The following CRTC3 variants were observed in gnomAD, a reference collection of about 807,000 sequenced individuals.
CRTC3 encodes the protein CREB-regulated transcription coactivator 3.
CRTC3 carries 26 observed loss-of-function variants against 74.5 expected under a neutral mutation model. The ratio of observed to expected loss-of-function variants is 0.35; its 90% CI spans 0.26 to 0.48. The LOEUF (loss-of-function observed/expected upper bound fraction) is 0.48, where lower values mean the gene tolerates loss of function less well. Among genes scored for constraint, CRTC3 ranks in the 20% least tolerant of loss-of-function variants. The pLI, the probability that CRTC3 is intolerant of heterozygous loss-of-function variation, is 0.99. For missense variants in CRTC3, 760 were observed against 787.3 expected (o/e 0.97, Z 0.41); for synonymous variants, 377 against 325.8 (o/e 1.16, Z -1.69).
chr15:90,559,949 A>G (rs370337513), intron 2 of CRTC3, among the ~76,000 whole-genome samples: 2 of 152,070 alleles, frequency 1.3e-5, no homozygotes, highest in South Asian at 2.1e-4. Context: ...GGCCTTTTTC[A>G]TGTATTTACC....
rs1969538927 is a variant in CRTC3, at chr15:90,643,928, G to A, written c.*1788G>A. On this transcript the variant is annotated 3_prime_UTR_variant, in exon 15 of 15. Transcript: ENST00000268184. The stretch of plus-strand genomic sequence containing the variant: ...TGAATCTGGCACACCTGTCCCTTAT[G>A]TAAAAGGAGTCGTGGTCACAAGACC... 8.6e-6 allele frequency: 2 copies of A among 232,782 alleles called. No homozygotes were observed. The highest frequency in any genetic ancestry group is 1.7e-5 in the Non-Finnish European group (2 of 117,778). 14.4% of individuals were successfully genotyped at this position (232,782 alleles called of 1,614,324 possible).
rs71154108 is a variant in CRTC3, at chr15:90,533,422, G to GGA, written c.132+3219_132+3220insGA. ...GGCGACAGAGCGAGACTCCGCCTAG[G>GGA]AAAAAAAAAAAAAAAGGGAAGAAAG... On this transcript the variant is annotated intron_variant, in intron 1 of 14. Coordinates refer to ENST00000268184, the MANE Select transcript of CRTC3 (RefSeq NM_022769.5). Among the ~76,000 whole-genome samples, 239 of 138,762 alleles carry GGA rather than the reference G, an allele frequency of 1.7e-3. 2 individuals carry two copies. Among genetic ancestry groups the GGA allele is most frequent in the Middle Eastern group, 3.9e-3 (1 of 258 alleles). The allele number at this position is 138,762 out of a possible 152,430, so 91.0% of individuals were successfully genotyped here. A position where few individuals can be genotyped will look rare whatever the true frequency, so the allele number is the denominator to read the frequency against.
chr15:90,567,993 A>G (rs1014657044), intron 2 of CRTC3, among the ~76,000 whole-genome samples: 2 of 152,242 alleles, frequency 1.3e-5, no homozygotes, highest in African/African-American at 4.8e-5. Flanking sequence ...AAGAACATTC[A>G]TGGTTCATAG....
chr15:90,629,788 A>G (rs1968972754), intron 11 of CRTC3, among the ~76,000 whole-genome samples: 1 of 152,180 alleles, frequency 6.6e-6, no homozygotes, highest in Non-Finnish European at 1.5e-5. Context: ...CAGTGGCACA[A>G]TCGCGGCTCA....
At chr15:90,535,030 G>A (rs1446764248) in intron 1 of CRTC3, among the ~76,000 whole-genome samples, 1 of 152,026 alleles carries the variant, frequency 6.6e-6, no homozygotes, top group East Asian at 1.9e-4. Context: ...GCATGGTGGC[G>A]AGTGCCTGTA....
rs1366682295 is a variant in CRTC3 at position 90,535,180 on chromosome 15, A to G, written c.133-4859A>G. Among the ~76,000 whole-genome samples, 3 of 137,968 alleles carry G rather than the reference A, an allele frequency of 2.2e-5. No individual in the cohort carries two copies. The Admixed American group carries it at 2.2e-4, about 10-fold the overall frequency. The allele number at this position is 137,968 out of a possible 152,430, so 90.5% of individuals were successfully genotyped here. ...CCGTCTCAAAAAAAAAAAAAAAAAA[A>G]GAAAGTGAACCATGAGGAGGGCCTA... On this transcript the variant is annotated intron_variant, in intron 1 of 14. Coordinates refer to ENST00000268184, the MANE Select transcript of CRTC3 (RefSeq NM_022769.5).
At chr15:90,620,650 GC>G (rs1968620105) in intron 9 of CRTC3, among the ~76,000 whole-genome samples, 1 of 152,104 alleles carries the variant, frequency 6.6e-6, no homozygotes, top group South Asian at 2.1e-4. Flanking sequence ...TCCTGAGAGA[GC>G]CCCAAGGAGG....
In CRTC3 at chr15:90,629,326, G is replaced by C. The variant is rs112890348; in HGVS notation, c.1060G>C (p.Val354Leu). ...CTTAAATAACCACCCACAGACATCT[G>C]TTCCCAACGCATCTGCTCTTCACCC... Reference protein sequence around the residue: ...SSLNNHPQTSVPNASALHPSL... With the variant: ...SSLNNHPQTSLPNASALHPSL... Residue 354 changes from valine (V) to leucine (L), a missense_variant, in exon 11 of 15, where the codon GTT (valine) becomes CTT (leucine). Val to Leu is a conservative substitution (Grantham distance 32). Transcript: ENST00000268184. 2 of 1,614,054 alleles carry C rather than the reference G, an allele frequency of 1.2e-6. No homozygotes were observed. Among genetic ancestry groups the C allele is most frequent in the Admixed American group, 1.7e-5 (1 of 59,996 alleles).
At chr15:90,533,696 A>C (rs1366930459) in intron 1 of CRTC3, among the ~76,000 whole-genome samples, 4 of 152,216 alleles carry the variant, frequency 2.6e-5, no homozygotes, top group Admixed American at 6.5e-5. Context: ...AGCAAAACAC[A>C]GTGTCCCAGT....
intron 4 of CRTC3, among the ~76,000 whole-genome samples, chr15:90,603,131 T>C (rs1449517394): frequency 6.6e-6 from 1 of 152,016 alleles, no homozygotes; most frequent in Non-Finnish European, 1.5e-5. Flanking sequence ...ATGGCATTCT[T>C]ATGTTTGAGA....
At chr15:90,569,981 C>G (rs754085720) in intron 2 of CRTC3, among the ~76,000 whole-genome samples, 5 of 152,190 alleles carry the variant, frequency 3.3e-5, no homozygotes, top group South Asian at 2.1e-4. Flanking sequence ...AAAATATGAT[C>G]TATCAGCTCA....
chr15:90,584,397 T>C (rs1312340985), intron 2 of CRTC3, among the ~76,000 whole-genome samples: 1 of 152,036 alleles, frequency 6.6e-6, no homozygotes, highest in African/African-American at 2.4e-5. Flanking sequence ...ACCACCATGC[T>C]TGGCTAATCT....
chr15:90,625,496 A>G (rs1373608269), intron 9 of CRTC3, among the ~76,000 whole-genome samples: 1 of 152,236 alleles, frequency 6.6e-6, no homozygotes, highest in Non-Finnish European at 1.5e-5. Flanking sequence ...AGTGGTTTAT[A>G]ATTTTCAGAA....
intron 2 of CRTC3, among the ~76,000 whole-genome samples, chr15:90,542,698 G>A (rs929631136): frequency 2.0e-5 from 3 of 152,202 alleles, no homozygotes; most frequent in Admixed American, 6.5e-5. Flanking sequence ...AAAGGATTCA[G>A]TTCAGAATCA....
At chr15:90,557,207 A>G (rs1398996451) in intron 2 of CRTC3, among the ~76,000 whole-genome samples, 1 of 152,104 alleles carries the variant, frequency 6.6e-6, no homozygotes. Context: ...GCTTAGAACA[A>G]TCGCAAGTTT....
At chr15:90,571,950 T>G (rs530139841) in intron 2 of CRTC3, among the ~76,000 whole-genome samples, 21 of 152,110 alleles carry the variant, frequency 1.4e-4, no homozygotes, top group African/African-American at 4.8e-4. Flanking sequence ...TTACCTGAGG[T>G]CAGGAGTTCA....
intron 2 of CRTC3, among the ~76,000 whole-genome samples, chr15:90,568,383 C>T (rs926954221): frequency 2.0e-5 from 3 of 151,944 alleles, no homozygotes; most frequent in Non-Finnish European, 4.4e-5. Context: ...AATAGTCTCG[C>T]TCTGTCACCC....
Position 90,598,823 on chromosome 15 carries a change from C to A in CRTC3, c.352-3501C>A. On this transcript the variant is annotated intron_variant, in intron 3 of 14. Coordinates refer to ENST00000268184, the MANE Select transcript of CRTC3 (RefSeq NM_022769.5). ...TGACAGTGGGGCCGAGGGAAGGATG[C>A]GATTGGCCAAGGCGAGCATGGAGGA... 1.6e-5 allele frequency: 5 copies of A among 314,392 alleles called. No individual in the cohort carries two copies. In the South Asian group the frequency reaches 1.9e-4, roughly 12 times the overall value. 19.5% of individuals were successfully genotyped at this position (314,392 alleles called of 1,614,324 possible). A position where few individuals can be genotyped will look rare whatever the true frequency, so the allele number is the denominator to read the frequency against.
At chr15:90,558,332 T>G (rs1439247739) in intron 2 of CRTC3, among the ~76,000 whole-genome samples, 1 of 152,158 alleles carries the variant, frequency 6.6e-6, no homozygotes, top group East Asian at 1.9e-4. Context: ...GCCACCTGAC[T>G]GATCCTTTTA....
Sources: allele counts gnomAD v4.1 joint callset (sites outside exome capture counted in the v4.1 genomes callset), GRCh38; gene constraint gnomAD v4.1.1; transcripts MANE v1.5; gene names NCBI Gene and HGNC (gene_info 2026-07-23, HGNC 2026-07-21).